CNTRL: variants seen among roughly 807,000 people sequenced by gnomAD.
CNTRL encodes centriolin.
In CNTRL, 233 loss-of-function variants were observed where a neutral mutation model predicts 303.7. That is an observed-to-expected ratio of 0.77 (90% CI 0.69 to 0.86). The LOEUF is 0.86. Ranked by LOEUF, CNTRL falls within the 40% of genes least tolerant of loss-of-function variation. The pLI is 0.00. For missense variants in CNTRL, 2,524 were observed against 2,650.6 expected (o/e 0.95, Z 1.05); for synonymous variants, 900 against 922.2 (o/e 0.98, Z 0.44).
Position 121,118,469 on chromosome 9 carries a change from G to A in CNTRL, c.1579G>A (p.Ala527Thr), listed in dbSNP as rs1290982837. The change falls in exon 12 of 44, where the codon GCC becomes ACC. Residue 527 changes from alanine (A) to threonine (T), a missense_variant. Transcript: ENST00000373855. The part of the protein sequence containing the change: ...LQMEKQKQEI[A>T]GKQKEIKDLQ... ...GATGGAAAAGCAAAAGCAGGAAATT[G>A]CCGGAAAGCAGAAGGAGATTAAGGA... The A allele has an allele frequency of 1.2e-6, 2 of 1,612,940 alleles. No homozygotes were observed. Among genetic ancestry groups the A allele is most frequent in the African/African-American group, 2.7e-5 (2 of 74,902 alleles).
chr9:121,167,711 C>A, intron 37 of CNTRL, 34 bp downstream of exon 37: 1 of 1,576,686 alleles, frequency 6.3e-7, no homozygotes, highest in Non-Finnish European at 8.7e-7. Context: ...ATAAAAAAAG[C>A]ATTTTGTGGC....
intron 7 of CNTRL, among the ~76,000 whole-genome samples, chr9:121,102,718 A>G (rs1012614196): frequency 1.3e-5 from 2 of 152,230 alleles, no homozygotes; most frequent in African/African-American, 2.4e-5. Flanking sequence ...TACAAAATCA[A>G]TGTGCAAAAA....
At chr9:121,107,686 G>A in intron 7 of CNTRL, 116 bp from the exon 8 acceptor site, 1 of 700,742 alleles carries the variant, frequency 1.4e-6, no homozygotes, top group Non-Finnish European at 2.2e-6. Context: ...AATTTTAAAA[G>A]TAGAATTGTA....
chr9:121,167,379 A>G, intron 36 of CNTRL, 110 bp from the exon 37 acceptor site: 1 of 825,312 alleles, frequency 1.2e-6, no homozygotes. Context: ...TAAAGGAAAT[A>G]AACTTTTATG....
intron 25 of CNTRL, among the ~76,000 whole-genome samples, chr9:121,151,711 T>C (rs566554573): frequency 9.9e-5 from 15 of 152,282 alleles, no homozygotes; most frequent in African/African-American, 3.1e-4. Context: ...ACTTTCTGAC[T>C]TTTTGGTTCT....
intron 40 of CNTRL, among the ~76,000 whole-genome samples, chr9:121,172,700 A>G (rs919572391): frequency 6.6e-6 from 1 of 152,160 alleles, no homozygotes; most frequent in Non-Finnish European, 1.5e-5. Context: ...TTCACTTATA[A>G]AATTCCAGCA....
chr9:121,144,044 C>T lies in CNTRL; in HGVS notation c.3013C>T (p.His1005Tyr), dbSNP rs1393995102. Reference sequence around the variant, plus strand: ...TGCCAAAGACCAGCTGAAGTCCCTTCATGGAACTGTTATGAAAATTAACCA... The same window carrying T: ...TGCCAAAGACCAGCTGAAGTCCCTTTATGGAACTGTTATGAAAATTAACCA... Reference protein sequence around the residue: ...TIAKDQLKSLHGTVMKINQER... With the variant: ...TIAKDQLKSLYGTVMKINQER... The change falls in exon 20 of 44, where the codon CAT (histidine) becomes TAT (tyrosine). Residue 1005 changes from histidine to tyrosine, a missense_variant. Transcript: ENST00000373855. The T allele has an allele frequency of 6.2e-7, 1 of 1,613,514 alleles. No homozygotes were observed. The highest frequency in any genetic ancestry group is 1.7e-5 in the Admixed American group (1 of 59,818).
At chr9:121,129,225 C>A (rs570970148) in intron 14 of CNTRL, among the ~76,000 whole-genome samples, 1 of 152,090 alleles carries the variant, frequency 6.6e-6, no homozygotes, top group Non-Finnish European at 1.5e-5. Context: ...TATAAATTAC[C>A]TTGGGCAGTA....
In CNTRL at chr9:121,080,451, C is replaced by A. The variant is rs1018900281; in HGVS notation, c.-59C>A. On this transcript the variant is annotated 5_prime_UTR_variant, in exon 2 of 44. Transcript: ENST00000373855. Reference sequence around the variant, plus strand: ...TAACTGGGACTGCAAGTATACATACCGTGCCTGACGAAATATCACAATATT... The same window carrying A: ...TAACTGGGACTGCAAGTATACATACAGTGCCTGACGAAATATCACAATATT... 6.6e-6 allele frequency: 1 copy of A among 152,108 alleles called. No homozygotes were observed. Among genetic ancestry groups the A allele is most frequent in the Non-Finnish European group, 1.5e-5 (1 of 68,028 alleles). The allele number at this position is 152,108 out of a possible 1,614,324, so 9.4% of individuals were successfully genotyped here.
At position 121,153,491 on chromosome 9, in the gene CNTRL, C is replaced by CT. The variant is rs201059832; in HGVS notation, c.4172+806dup. ...AAAATAAAGGTCAGAGATCCCCTCT[C>CT]TTTTTTTTCTCATTAAAAGCCTATT... On this transcript the variant is annotated intron_variant, in intron 26 of 43. Transcript: ENST00000373855. Among the ~76,000 whole-genome samples, 1,109 of 152,146 alleles carry CT rather than the reference C, an allele frequency of 7.3e-3. 12 individuals carry two copies. The highest frequency in any genetic ancestry group is 0.025 in the African/African-American group (1,048 of 41,494).
At chr9:121,177,088 T>C in intron 43 of CNTRL, 75 bp from the exon 44 acceptor site, 1 of 1,180,698 alleles carries the variant, frequency 8.5e-7, no homozygotes, top group Non-Finnish European at 1.3e-6. Context: ...CTATAAGCCA[T>C]CATGCCATCA....
chr9:121,157,778 AAATC>A lies in CNTRL; in HGVS notation c.4538_4541del (p.Ile1513SerfsTer6). 4 of 1,614,252 alleles carry A rather than the reference AAATC, an allele frequency of 2.5e-6. No homozygotes were observed. Among genetic ancestry groups the A allele is most frequent in the Non-Finnish European group, 3.4e-6 (4 of 1,180,042 alleles). On this transcript the variant is annotated frameshift_variant, in exon 29 of 44. Transcript: ENST00000373855. LOFTEE classifies it high-confidence loss of function. ...GATGCAAAGGATTTGGAGCAGCACAAAATCAAGCAAGAAGAAATCTTGAAAGAAA... is the reference window on the plus strand; with the variant it reads ...GATGCAAAGGATTTGGAGCAGCACAAAAGCAAGAAGAAATCTTGAAAGAAA...
At chr9:121,167,343 TTGTACC>T in intron 36 of CNTRL, 140 bp from the exon 37 acceptor site, 1 of 671,120 alleles carries the variant, frequency 1.5e-6, no homozygotes, top group East Asian at 2.8e-5. Flanking sequence ...CTAAATTCTC[TTGTACC>T]TGTAAGTTTA....
At chr9:121,083,204 C>T (rs2132093774) in intron 2 of CNTRL, among the ~76,000 whole-genome samples, 1 of 152,052 alleles carries the variant, frequency 6.6e-6, no homozygotes, top group African/African-American at 2.4e-5. Context: ...TTTCTCTCTT[C>T]AATAGTAAAT....
At chr9:121,093,034 C>G (rs769263867) in intron 4 of CNTRL, among the ~76,000 whole-genome samples, 1 of 150,896 alleles carries the variant, frequency 6.6e-6, no homozygotes, top group Non-Finnish European at 1.5e-5. Context: ...GTCTCGATCT[C>G]CTGACCTTGT....
intron 12 of CNTRL, among the ~76,000 whole-genome samples, chr9:121,119,944 G>T (rs996113380): frequency 6.6e-6 from 1 of 152,086 alleles, no homozygotes; most frequent in Non-Finnish European, 1.5e-5. Context: ...ACATTCTCTG[G>T]AATGTTTCTT....
intron 36 of CNTRL, among the ~76,000 whole-genome samples, chr9:121,167,070 G>A (rs896023618): frequency 2.0e-5 from 3 of 151,996 alleles, no homozygotes; most frequent in Non-Finnish European, 4.4e-5. Context: ...AGCACTTTGG[G>A]AGGCCAAGGC....
At chr9:121,103,584 A>C (rs541762988) in intron 7 of CNTRL, among the ~76,000 whole-genome samples, 1 of 152,370 alleles carries the variant, frequency 6.6e-6, no homozygotes, top group East Asian at 1.9e-4. Context: ...CTGCACAGCA[A>C]AAGAAACTAC....
At chr9:121,139,948 G>A (rs897762116) in intron 16 of CNTRL, among the ~76,000 whole-genome samples, 6 of 152,130 alleles carry the variant, frequency 3.9e-5, no homozygotes, top group African/African-American at 1.2e-4. Flanking sequence ...GACTACCTTA[G>A]TTAGAACTAG....
Sources: gnomAD v4.1 joint callset for allele counts (sites outside exome capture counted in the v4.1 genomes callset) on GRCh38, gnomAD v4.1.1 for gene constraint, MANE v1.5 for transcripts, NCBI Gene and HGNC (gene_info 2026-07-23, HGNC 2026-07-21) for gene names.